Variants in NR6A1 observed in about 807,000 individuals in gnomAD.
NR6A1 encodes the protein retinoic acid receptor-related testis-associated receptor.
Under a neutral mutation model 59.1 loss-of-function variants are expected in NR6A1, and 7 were observed. The ratio of observed to expected loss-of-function variants is 0.12; its 90% CI spans 0.07 to 0.22. The LOEUF is 0.22. NR6A1 is among the 10% of genes least tolerant of loss of function. The probability of loss-of-function intolerance (pLI) is 1.00; values close to 1 mark genes in which losing one functional copy is unlikely to be tolerated. For synonymous variants in NR6A1, 243 were observed against 236.1 expected, an observed-to-expected ratio of 1.03 and a Z score of -0.27; for missense variants, 468 against 611.6, an observed-to-expected ratio of 0.77 and a Z score of 2.48.
chr9:124,544,477 C>T (rs1005284931), intron 3 of NR6A1, among the ~76,000 whole-genome samples: 6 of 152,098 alleles, frequency 3.9e-5, no homozygotes, highest in African/African-American at 9.7e-5. Context: ...ACACTTAATA[C>T]GGGGGGCATA....
chr9:124,548,210 T>C (rs1041903819), intron 3 of NR6A1, among the ~76,000 whole-genome samples: 7 of 152,156 alleles, frequency 4.6e-5, no homozygotes, highest in Non-Finnish European at 1.0e-4. Flanking sequence ...TGTTAACAAT[T>C]GGTGAATTTA....
chr9:124,647,777 C>A (rs1009529253), intron 2 of NR6A1, among the ~76,000 whole-genome samples: 27 of 142,032 alleles, frequency 1.9e-4, no homozygotes, highest in Non-Finnish European at 1.5e-5. Flanking sequence ...AAATAGAAAA[C>A]CTTAACAGAA....
At chr9:124,654,339 A>G (rs941600542) in intron 2 of NR6A1, among the ~76,000 whole-genome samples, 1 of 152,044 alleles carries the variant, frequency 6.6e-6, no homozygotes, top group African/African-American at 2.4e-5. Flanking sequence ...ATTTGGGGGG[A>G]AAAAAACAAA....
chr9:124,534,072 C>CTT (rs113862423), intron 7 of NR6A1, among the ~76,000 whole-genome samples: 12 of 135,700 alleles, frequency 8.8e-5, no homozygotes, highest in African/African-American at 1.1e-4. Flanking sequence ...CATTATAAGA[C>CTT]TTTTTTTTTT....
At chr9:124,627,628 GTGA>G (rs543613693) in intron 2 of NR6A1, among the ~76,000 whole-genome samples, 9 of 152,324 alleles carry the variant, frequency 5.9e-5, no homozygotes, top group African/African-American at 1.9e-4. Context: ...ATGGAGCACA[GTGA>G]TGCAATCACA....
intron 7 of NR6A1, among the ~76,000 whole-genome samples, chr9:124,532,218 C>T (rs1833120490): frequency 6.6e-6 from 1 of 152,212 alleles, no homozygotes; most frequent in South Asian, 2.1e-4. Context: ...TGATTCCCTG[C>T]ACATAGCAAC....
intron 2 of NR6A1, among the ~76,000 whole-genome samples, chr9:124,620,529 A>G (rs1282500545): frequency 6.6e-5 from 10 of 152,244 alleles, no homozygotes; most frequent in Admixed American, 6.5e-4. Flanking sequence ...TATGGCACGG[A>G]CAAACTTCAA....
At chr9:124,621,273 T>C (rs1032648223) in intron 2 of NR6A1, among the ~76,000 whole-genome samples, 2 of 152,202 alleles carry the variant, frequency 1.3e-5, no homozygotes, top group African/African-American at 4.8e-5. Flanking sequence ...CACATCATTA[T>C]GGATATGCAT....
chr9:124,549,396 T>C (rs1243632575), intron 3 of NR6A1, among the ~76,000 whole-genome samples: 1 of 152,148 alleles, frequency 6.6e-6, no homozygotes, highest in Non-Finnish European at 1.5e-5. Context: ...AGAGGGGCCT[T>C]GAAAATCACC....
At chr9:124,722,972 G>A (rs1839605125) in intron 2 of NR6A1, among the ~76,000 whole-genome samples, 1 of 151,988 alleles carries the variant, frequency 6.6e-6, no homozygotes, top group East Asian at 1.9e-4. Flanking sequence ...GATTACAGGT[G>A]TGACCCACCA....
At chr9:124,770,654 G>C (rs543510808) in intron 1 of NR6A1, among the ~76,000 whole-genome samples, 205 of 141,006 alleles carry the variant, frequency 1.5e-3, no homozygotes, top group African/African-American at 4.9e-3. Flanking sequence ...GTTCGGTGCT[G>C]GGAAGACAGG....
chr9:124,665,965 C>T (rs1837600865), intron 2 of NR6A1, among the ~76,000 whole-genome samples: 1 of 152,256 alleles, frequency 6.6e-6, no homozygotes, highest in Non-Finnish European at 1.5e-5. Context: ...ACGCATTTGC[C>T]ACAATGAAGC....
chr9:124,551,966 G>A (rs1564175506), intron 3 of NR6A1, among the ~76,000 whole-genome samples: 1 of 152,206 alleles, frequency 6.6e-6, no homozygotes, highest in Non-Finnish European at 1.5e-5. Context: ...AGGCAACTGG[G>A]TCTGCCTGCT....
chr9:124,770,938 C>T, intron 1 of NR6A1, 82 bp downstream of exon 1: 1 of 803,578 alleles, frequency 1.2e-6, no homozygotes, highest in Non-Finnish European at 1.7e-6. Flanking sequence ...GGGCGAGGGT[C>T]GGCAGAGAGG....
chr9:124,597,160 A>G (rs1304173517), intron 2 of NR6A1, among the ~76,000 whole-genome samples: 1 of 152,130 alleles, frequency 6.6e-6, no homozygotes, highest in Non-Finnish European at 1.5e-5. Context: ...AGTAGAGCCT[A>G]AAGAGAAAGT....
intron 2 of NR6A1, among the ~76,000 whole-genome samples, chr9:124,648,891 T>G (rs1008042948): frequency 2.6e-5 from 4 of 151,658 alleles, no homozygotes; most frequent in African/African-American, 9.7e-5. Context: ...AGAAATAGAA[T>G]TAACCAAAAA....
chr9:124,600,431 G>A (rs968633948), intron 2 of NR6A1, among the ~76,000 whole-genome samples: 8 of 152,252 alleles, frequency 5.3e-5, no homozygotes, highest in South Asian at 2.1e-4. Context: ...TCCTGGAGGT[G>A]GAAAGAATTC....
At chr9:124,630,837 T>C (rs370231548) in intron 2 of NR6A1, among the ~76,000 whole-genome samples, 1 of 151,554 alleles carries the variant, frequency 6.6e-6, no homozygotes, top group Non-Finnish European at 1.5e-5. Context: ...GGCCACCACA[T>C]CCTGCTGATT....
At chr9:124,705,359 C>G (rs930616955) in intron 2 of NR6A1, among the ~76,000 whole-genome samples, 1 of 152,054 alleles carries the variant, frequency 6.6e-6, no homozygotes, top group African/African-American at 2.4e-5. Flanking sequence ...GTTTTTGCTT[C>G]GTGTATTTTG....
Sources: gnomAD v4.1 joint callset for allele counts (sites outside exome capture counted in the v4.1 genomes callset) on GRCh38, gnomAD v4.1.1 for gene constraint, MANE v1.5 for transcripts, NCBI Gene and HGNC (gene_info 2026-07-23, HGNC 2026-07-21) for gene names.